Variants in WDR41 observed in about 807,000 individuals in gnomAD.
WDR41 encodes the protein WD repeat-containing protein 41.
WDR41 carries 63 observed loss-of-function variants against 69.3 expected under a neutral mutation model. That is an observed-to-expected ratio of 0.91 (90% CI 0.74 to 1.12). WDR41 has a LOEUF of 1.12. WDR41 is among the 50% of genes most tolerant of loss of function. WDR41 has a pLI of 0.00. For synonymous variants in WDR41, 185 were observed against 192.1 expected (o/e 0.96, Z 0.31); for missense variants, 543 against 534.5 (o/e 1.02, Z -0.16).
At chr5:77,458,137 T>G (rs1204989096) in intron 5 of WDR41, among the ~76,000 whole-genome samples, 2 of 152,062 alleles carry the variant, frequency 1.3e-5, no homozygotes, top group African/African-American at 4.8e-5. Flanking sequence ...AGTATAGAGA[T>G]TTTAATCAAA....
chr5:77,553,613 TA>T (rs544370264), intron 1 of WDR41, among the ~76,000 whole-genome samples: 3 of 152,004 alleles, frequency 2.0e-5, no homozygotes, highest in East Asian at 1.9e-4. Flanking sequence ...AACTCAACAT[TA>T]AAAAAATCTA....
chr5:77,459,564 G>A lies in WDR41; in HGVS notation c.349-440C>T, dbSNP rs115567530. Among the ~76,000 whole-genome samples, 561 of 152,136 alleles carry A rather than the reference G, an allele frequency of 3.7e-3. 4 individuals carry two copies. The highest frequency in any genetic ancestry group is 0.013 in the African/African-American group (529 of 41,532). On this transcript the variant is annotated intron_variant, in intron 4 of 12. Transcript: ENST00000296679. ...TGATTTACTACTGTTATCTTGATTC[G>A]AGAAGACACTAACAGTGTATTACTA...
intron 1 of WDR41, among the ~76,000 whole-genome samples, chr5:77,502,664 C>T (rs187461773): frequency 2.0e-5 from 3 of 152,292 alleles, no homozygotes; most frequent in South Asian, 4.1e-4. Flanking sequence ...AGACTGACAG[C>T]GGATCACTCG....
rs534800609 is a variant in WDR41 at position 77,503,277 on chromosome 5, G to C, written c.43-13705C>G. Among the ~76,000 whole-genome samples, 490 of 151,614 alleles carry C rather than the reference G, an allele frequency of 3.2e-3. 4 individuals carry two copies. The highest frequency in any genetic ancestry group is 0.011 in the African/African-American group (460 of 41,250). ...ACCAACAAAGATCAAGAGAGACAAG[G>C]AAGGCCATTACATAATGGTAAAGGG... On this transcript the variant is annotated intron_variant, in intron 1 of 5. Transcript: ENST00000509971.
At chr5:77,540,401 C>T (rs1743065953) in intron 1 of WDR41, 1 of 152,158 alleles carries the variant, frequency 6.6e-6, no homozygotes, top group South Asian at 2.1e-4. Flanking sequence ...CTACCCAGGC[C>T]CAAGTAACGT....
chr5:77,433,642 AG>A (rs1467522294), intron 12 of WDR41, among the ~76,000 whole-genome samples: 8 of 152,200 alleles, frequency 5.3e-5, no homozygotes, highest in African/African-American at 1.4e-4. Context: ...AAATTTCCCA[AG>A]ATAAACACTG....
chr5:77,508,691 T>G (rs75765130), intron 1 of WDR41, among the ~76,000 whole-genome samples: 4,915 of 152,304 alleles, frequency 0.032, 202 homozygotes, highest in South Asian at 0.19. Context: ...TGGTAATATA[T>G]TGTTTGACAC....
At chr5:77,476,017 T>C (rs1053898159) in intron 2 of WDR41, among the ~76,000 whole-genome samples, 1 of 151,838 alleles carries the variant, frequency 6.6e-6, no homozygotes, top group Non-Finnish European at 1.5e-5. Flanking sequence ...CAGAACTACA[T>C]GAAGAATGCA....
chr5:77,564,940 A>G (rs1743593838), intron 1 of WDR41, among the ~76,000 whole-genome samples: 1 of 152,066 alleles, frequency 6.6e-6, no homozygotes, highest in Non-Finnish European at 1.5e-5. Context: ...ATTTATCACC[A>G]ATTTCTTTTC....
chr5:77,530,635 A>G (rs1802514057), intron 1 of WDR41, among the ~76,000 whole-genome samples: 1 of 151,874 alleles, frequency 6.6e-6, no homozygotes, highest in East Asian at 1.9e-4. Context: ...ATATCCTTGC[A>G]TAGTGATAAT....
At chr5:77,469,542 G>A (rs1419577503) in intron 2 of WDR41, among the ~76,000 whole-genome samples, 1 of 152,058 alleles carries the variant, frequency 6.6e-6, no homozygotes, top group Non-Finnish European at 1.5e-5. Flanking sequence ...TTCATAAGCA[G>A]TTTGTATACT....
Position 77,594,380 on chromosome 5 carries a change from A to G in WDR41, c.42+26099T>C, listed in dbSNP as rs1460402285. Among the ~76,000 whole-genome samples, 9 of 152,132 alleles carry G rather than the reference A, an allele frequency of 5.9e-5. No homozygotes were observed. The East Asian group carries it at 1.2e-3, about 20-fold the overall frequency. Reference sequence around the variant, plus strand: ...GTATACATATGTAACAAACCTGCACATTGTGCACATGTACCCTAGAACTTA... The same window carrying G: ...GTATACATATGTAACAAACCTGCACGTTGTGCACATGTACCCTAGAACTTA... On this transcript the variant is annotated intron_variant, in intron 1 of 5. Transcript: ENST00000509971.
intron 1 of WDR41, among the ~76,000 whole-genome samples, chr5:77,569,534 G>A (rs1232222361): frequency 1.3e-5 from 2 of 152,024 alleles, no homozygotes; most frequent in Non-Finnish European, 2.9e-5. Context: ...CACTGACCTG[G>A]ATGACTTACA....
chr5:77,588,984 T>C (rs922977721), intron 1 of WDR41, among the ~76,000 whole-genome samples: 1 of 152,006 alleles, frequency 6.6e-6, no homozygotes, highest in African/African-American at 2.4e-5. Flanking sequence ...AGCAAAATCA[T>C]CAACAAGAAG....
intron 2 of WDR41, among the ~76,000 whole-genome samples, chr5:77,465,800 T>A (rs1235149749): frequency 1.3e-5 from 2 of 151,936 alleles, no homozygotes; most frequent in African/African-American, 2.4e-5. Context: ...TGGCCCCTTA[T>A]AATTAACAGA....
intron 1 of WDR41, among the ~76,000 whole-genome samples, chr5:77,608,812 G>A (rs1366199446): frequency 6.6e-6 from 1 of 152,216 alleles, no homozygotes; most frequent in African/African-American, 2.4e-5. Flanking sequence ...CGCAGGACAG[G>A]GGTGCAGTGC....
intron 1 of WDR41, chr5:77,491,108 T>A (rs779278116): frequency 1.0e-4 from 38 of 370,818 alleles, no homozygotes; most frequent in Non-Finnish European, 2.0e-4. Flanking sequence ...ACAAAAGAAG[T>A]GAAAATGCCC....
At chr5:77,548,186 A>G (rs1175112379) in intron 1 of WDR41, among the ~76,000 whole-genome samples, 5 of 152,250 alleles carry the variant, frequency 3.3e-5, no homozygotes, top group Admixed American at 2.6e-4. Context: ...ATTCTAGAAG[A>G]TAACATTGGA....
intron 1 of WDR41, among the ~76,000 whole-genome samples, chr5:77,580,816 C>A (rs987225538): frequency 6.6e-6 from 1 of 151,588 alleles, no homozygotes; most frequent in Non-Finnish European, 1.5e-5. Context: ...ATTAGCCAGG[C>A]GTGGTGGTGG....
Sources: allele counts gnomAD v4.1 joint callset (sites outside exome capture counted in the v4.1 genomes callset), GRCh38; gene constraint gnomAD v4.1.1; transcripts MANE v1.5; gene names NCBI Gene and HGNC (gene_info 2026-07-23, HGNC 2026-07-21).